The following CCNJL variants were observed in gnomAD, a reference collection of about 807,000 sequenced individuals.
CCNJL encodes the protein cyclin-J-like protein.
A neutral mutation model predicts 33.4 loss-of-function variants in CCNJL; 33 were observed. That is an observed-to-expected ratio of 0.99 (90% CI 0.75 to 1.32). The LOEUF (loss-of-function observed/expected upper bound fraction) is 1.32. Among genes scored for constraint, CCNJL ranks in the 40% most tolerant of loss-of-function variants. The probability of loss-of-function intolerance (pLI) is 0.00; values close to 1 mark genes in which losing one functional copy is unlikely to be tolerated. For missense variants in CCNJL, 512 were observed against 499.7 expected (o/e 1.02, Z -0.23); for synonymous variants, 227 against 220.9 (o/e 1.03, Z -0.24).
chr5:160,336,103 G>A (rs907862706), intron 1 of CCNJL, among the ~76,000 whole-genome samples: 3 of 152,138 alleles, frequency 2.0e-5, no homozygotes, highest in African/African-American at 7.2e-5. Flanking sequence ...TCTATAGACT[G>A]AGGACTTCTA....
At chr5:160,297,190 C>T (rs1762772285) in intron 2 of CCNJL, among the ~76,000 whole-genome samples, 1 of 152,168 alleles carries the variant, frequency 6.6e-6, no homozygotes, top group African/African-American at 2.4e-5. Flanking sequence ...GGCCTCAGGG[C>T]AGGTTTTGGG....
chr5:160,281,713 C>T (rs983277622), intron 2 of CCNJL, among the ~76,000 whole-genome samples: 6 of 152,152 alleles, frequency 3.9e-5, no homozygotes, highest in Non-Finnish European at 7.3e-5. Flanking sequence ...AGCAGTGGTG[C>T]AATCACAGCT....
intron 3 of CCNJL, among the ~76,000 whole-genome samples, chr5:160,270,506 AG>A (rs2113301730): frequency 6.6e-6 from 1 of 152,038 alleles, no homozygotes; most frequent in African/African-American, 2.4e-5. Flanking sequence ...AGGTACTGGG[AG>A]GCTGAGGTGC....
chr5:160,319,309 T>A (rs958601133), intron 1 of CCNJL, among the ~76,000 whole-genome samples: 2 of 152,122 alleles, frequency 1.3e-5, no homozygotes, highest in African/African-American at 4.8e-5. Context: ...AAGTCACCCA[T>A]CTCCTTTGTG....
At chr5:160,312,288 C>G (rs568406221) in intron 1 of CCNJL, 76 bp downstream of exon 1, 3 of 325,446 alleles carry the variant, frequency 9.2e-6, no homozygotes, top group African/African-American at 4.4e-5. Flanking sequence ...ACAGGCTCGC[C>G]GTCCCCAACT....
rs1760834622 is a variant in CCNJL at position 160,252,186 on chromosome 5, A to C, written c.*1192T>G. 6.5e-6 allele frequency: 1 copy of C among 152,686 alleles called. No homozygotes were observed. The highest frequency in any genetic ancestry group is 1.5e-5 in the Non-Finnish European group (1 of 68,042). 9.5% of individuals were successfully genotyped at this position (152,686 alleles called of 1,614,324 possible). On this transcript the variant is annotated 3_prime_UTR_variant, in exon 6 of 6. Transcript: ENST00000257536. ...GAGTCAGAATAAAAACATATTGCACATGGTTACAAGAGTCTTCCTGAGGGC... is the reference window on the plus strand; with the variant it reads ...GAGTCAGAATAAAAACATATTGCACCTGGTTACAAGAGTCTTCCTGAGGGC...
chr5:160,339,569 A>T, exon 1 of CCNJL: 1 of 436,588 alleles, frequency 2.3e-6, no homozygotes, highest in South Asian at 1.6e-5. Context: ...TAGTGCTGAC[A>T]CAGAAAGTGT....
At chr5:160,254,274 T>C (rs1205772782) in intron 5 of CCNJL, 3 of 633,298 alleles carry the variant, frequency 4.7e-6, no homozygotes, top group South Asian at 3.7e-5. Context: ...GGTCACTCCT[T>C]AGCTAGCTGA....
chr5:160,255,549 A>G lies in CCNJL; in HGVS notation c.743T>C (p.Val248Ala). Reference sequence around the variant, plus strand: ...CACAGGATTCAGGGGAGAAACTTACACCAGCAGGATTTCAATACACGTGCT... The same window carrying G: ...CACAGGATTCAGGGGAGAAACTTACGCCAGCAGGATTTCAATACACGTGCT... ...HLSTCIEILL[V>A]VYDNVLKDAV... is the part of the protein sequence containing the mutation. The change falls in exon 5 of 6, where the codon GTA becomes GCA. Residue 248 changes from valine (V) to alanine (A), a missense_variant and splice_region_variant. Physicochemically the swap from Val to Ala is moderately conservative, Grantham distance 64. Coordinates refer to ENST00000257536, the MANE Select transcript of CCNJL (RefSeq NM_001308173.3). 6.2e-7 allele frequency: 1 copy of G among 1,613,864 alleles called. No homozygotes were observed. The highest frequency in any genetic ancestry group is 1.1e-5 in the South Asian group (1 of 91,054).
chr5:160,332,313 A>G lies in CCNJL; in HGVS notation n.206+7132T>C, dbSNP rs527473441. 1.1e-4 allele frequency among the ~76,000 whole-genome samples: 17 copies of G among 152,282 alleles called. No individual in the cohort carries two copies. The East Asian group carries it at 3.3e-3, about 29-fold the overall frequency. On this transcript the variant is annotated intron_variant and non_coding_transcript_variant, in intron 1 of 7. Coordinates refer to the CCNJL transcript ENST00000377503. ...CACGACTTCCCTGGTCCAAGCTGCC[A>G]CCAACTCTCCACTGGATAGTGGCAA...
chr5:160,298,330 G>A (rs1448953252), intron 2 of CCNJL, among the ~76,000 whole-genome samples: 2 of 151,988 alleles, frequency 1.3e-5, no homozygotes, highest in African/African-American at 2.4e-5. Context: ...CTGCGCTCCA[G>A]TGTGGGCAAC....
At chr5:160,309,388 G>A (rs1029090920) in intron 2 of CCNJL, among the ~76,000 whole-genome samples, 2 of 152,178 alleles carry the variant, frequency 1.3e-5, no homozygotes, top group South Asian at 2.1e-4. Flanking sequence ...CTCCTGTGTC[G>A]GTCAGGTGAG....
At chr5:160,338,374 A>G (rs779001273) in intron 1 of CCNJL, among the ~76,000 whole-genome samples, 2 of 151,450 alleles carry the variant, frequency 1.3e-5, no homozygotes, top group Non-Finnish European at 2.9e-5. Flanking sequence ...GACCTGGGTG[A>G]CAGAGTGAGA....
intron 1 of CCNJL, among the ~76,000 whole-genome samples, chr5:160,337,931 T>G (rs901534441): frequency 3.3e-5 from 5 of 152,070 alleles, no homozygotes; most frequent in African/African-American, 1.2e-4. Flanking sequence ...CTCACCTCCG[T>G]TTAATTTTGG....
At chr5:160,303,586 AC>A (rs1217961971) in intron 2 of CCNJL, among the ~76,000 whole-genome samples, 1 of 152,022 alleles carries the variant, frequency 6.6e-6, no homozygotes, top group Non-Finnish European at 1.5e-5. Context: ...AAGGACACAC[AC>A]CAAAAATGTC....
chr5:160,258,716 AAGAC>A (rs1221828146), intron 4 of CCNJL: 15 of 717,040 alleles, frequency 2.1e-5, no homozygotes, highest in South Asian at 8.9e-5. Context: ...AAACAAAAAA[AAGAC>A]AGAGTCTCGC....
At chr5:160,255,975 A>C (rs1187007958) in intron 4 of CCNJL, among the ~76,000 whole-genome samples, 1 of 152,092 alleles carries the variant, frequency 6.6e-6, no homozygotes, top group Non-Finnish European at 1.5e-5. Context: ...TGCAGCCTCA[A>C]CTTCCCAGGC....
chr5:160,324,162 G>A (rs1477417110), intron 1 of CCNJL, among the ~76,000 whole-genome samples: 1 of 152,184 alleles, frequency 6.6e-6, no homozygotes, highest in African/African-American at 2.4e-5. Flanking sequence ...CAAAGGGTAT[G>A]AATAGTTTTA....
rs779603501 is a variant in CCNJL, at chr5:160,253,613, C to G, written c.929G>C (p.Arg310Pro). 3 of 1,613,328 alleles carry G rather than the reference C, an allele frequency of 1.9e-6. No homozygotes were observed. Among genetic ancestry groups the G allele is most frequent in the Non-Finnish European group, 2.5e-6 (3 of 1,179,746 alleles). ...TGAACGGTGGGCCTGCAAGGAGTCC[C>G]GATAGGCCAAGCATAGGTCCTGCAC... ...TPVQDLCLAY[R>P]DSLQAHRSGS... Residue 310 changes from arginine (R) to proline (P), a missense_variant, in exon 6 of 6, where the codon CGG becomes CCG. Physicochemically the swap from Arg to Pro is moderately radical, Grantham distance 103. Coordinates refer to ENST00000257536, the MANE Select transcript of CCNJL (RefSeq NM_001308173.3).
Sources: allele counts gnomAD v4.1 joint callset (sites outside exome capture counted in the v4.1 genomes callset), GRCh38; gene constraint gnomAD v4.1.1; transcripts MANE v1.5; gene names NCBI Gene and HGNC (gene_info 2026-07-23, HGNC 2026-07-21).